The following KHDRBS3 variants were observed in gnomAD, a reference collection of about 807,000 sequenced individuals.
KHDRBS3 encodes KH domain-containing, RNA-binding, signal transduction-associated protein 3.
A neutral mutation model predicts 45.6 loss-of-function variants in KHDRBS3; 23 were observed. The ratio of observed to expected loss-of-function variants is 0.50; its 90% CI spans 0.36 to 0.72. The LOEUF (loss-of-function observed/expected upper bound fraction) is 0.72, where lower values mean the gene tolerates loss of function less well. KHDRBS3 is among the 30% of genes least tolerant of loss of function. KHDRBS3 has a pLI of 0.00. For missense variants in KHDRBS3, 352 were observed against 424.8 expected (o/e 0.83, Z 1.51); for synonymous variants, 162 against 156.5 (o/e 1.04, Z -0.26).
At chr8:135,468,221 A>G (rs1399528343) in intron 1 of KHDRBS3, among the ~76,000 whole-genome samples, 1 of 152,038 alleles carries the variant, frequency 6.6e-6, no homozygotes, top group African/African-American at 2.4e-5. Context: ...CATCCCCTAA[A>G]TTGGCTTAGT....
At chr8:135,624,625 A>C (rs569360135) in intron 7 of KHDRBS3, among the ~76,000 whole-genome samples, 1 of 152,296 alleles carries the variant, frequency 6.6e-6, no homozygotes, top group South Asian at 2.1e-4. Flanking sequence ...TTTTAGACCA[A>C]AGTCTAGGCC....
chr8:135,508,921 C>T (rs1475509308), intron 1 of KHDRBS3, among the ~76,000 whole-genome samples: 2 of 151,996 alleles, frequency 1.3e-5, no homozygotes, highest in Non-Finnish European at 2.9e-5. Context: ...AGCCAGTTTC[C>T]GTAAATATTT....
intron 1 of KHDRBS3, among the ~76,000 whole-genome samples, chr8:135,500,065 T>C (rs901519523): frequency 5.3e-5 from 8 of 152,218 alleles, no homozygotes; most frequent in African/African-American, 1.7e-4. Flanking sequence ...TTTTCCTGTT[T>C]AGTGATTTTT....
At chr8:135,592,187 G>T (rs1159975990) in intron 6 of KHDRBS3, among the ~76,000 whole-genome samples, 1 of 152,006 alleles carries the variant, frequency 6.6e-6, no homozygotes, top group African/African-American at 2.4e-5. Context: ...TTTTAGGAAT[G>T]TAAGACTTTA....
At chr8:135,610,097 A>T (rs998774516) in intron 7 of KHDRBS3, among the ~76,000 whole-genome samples, 1 of 151,878 alleles carries the variant, frequency 6.6e-6, no homozygotes, top group East Asian at 1.9e-4. Context: ...GGTTTTTGAT[A>T]TTTGATATAA....
chr8:135,544,135 G>C (rs973124266), intron 3 of KHDRBS3, among the ~76,000 whole-genome samples: 1 of 152,100 alleles, frequency 6.6e-6, no homozygotes, highest in East Asian at 1.9e-4. Context: ...CTTAGTTCAC[G>C]CTCTAATAAG....
intron 3 of KHDRBS3, among the ~76,000 whole-genome samples, chr8:135,547,093 T>C (rs1371654331): frequency 6.6e-6 from 1 of 152,188 alleles, no homozygotes; most frequent in Non-Finnish European, 1.5e-5. Context: ...TTTTTAAAAC[T>C]TGAGCAATGA....
intron 1 of KHDRBS3, among the ~76,000 whole-genome samples, chr8:135,520,829 G>T (rs887196602): frequency 2.6e-5 from 4 of 152,206 alleles, no homozygotes; most frequent in African/African-American, 9.6e-5. Context: ...TCAGTTCTTG[G>T]TTGTAGAAGC....
At chr8:135,574,142 TGTGTTA>T (rs1827838197) in intron 5 of KHDRBS3, among the ~76,000 whole-genome samples, 6 of 76,410 alleles carry the variant, frequency 7.9e-5, no homozygotes, top group African/African-American at 1.9e-4. Flanking sequence ...ACAGGATTCT[TGTGTTA>T]GCACGTCACC....
intron 6 of KHDRBS3, among the ~76,000 whole-genome samples, chr8:135,604,364 A>G (rs898668051): frequency 8.6e-5 from 13 of 151,964 alleles, no homozygotes; most frequent in Non-Finnish European, 1.8e-4. Flanking sequence ...CATTTTTCCC[A>G]TAATGCTAAT....
chr8:135,527,647 G>A (rs966571383), intron 2 of KHDRBS3, among the ~76,000 whole-genome samples: 1 of 152,200 alleles, frequency 6.6e-6, no homozygotes, highest in African/African-American at 2.4e-5. Flanking sequence ...TAGTCATGCT[G>A]GAGTGAAAGA....
intron 6 of KHDRBS3, among the ~76,000 whole-genome samples, chr8:135,590,055 G>A (rs1324295215): frequency 2.6e-5 from 4 of 152,148 alleles, no homozygotes; most frequent in African/African-American, 9.7e-5. Flanking sequence ...TGCATCATTA[G>A]GCGATTTCAT....
chr8:135,548,786 G>C lies in KHDRBS3; in HGVS notation c.357G>C (p.Lys119Asn). ...EEELRKSGEA[K>N]YFHLNDDLHV... The stretch of plus-strand genomic sequence containing the variant: ...AGTTGAGGAAAAGTGGAGAAGCGAA[G>C]TACTTCCATCTCAATGATGATCTCC... The change falls in exon 4 of 9, where the codon AAG becomes AAC. Residue 119 changes from lysine (K) to asparagine (N), a missense_variant. Physicochemically the swap from Lys to Asn is moderately conservative, Grantham distance 94 (BLOSUM62 0). Coordinates refer to ENST00000355849, the MANE Select transcript of KHDRBS3 (RefSeq NM_006558.3). The C allele has an allele frequency of 6.4e-7, 1 of 1,567,428 alleles. No individual in the cohort carries two copies. The highest frequency in any genetic ancestry group is 8.6e-7 in the Non-Finnish European group (1 of 1,157,058).
At chr8:135,632,524 G>C (rs1166567391) in intron 7 of KHDRBS3, among the ~76,000 whole-genome samples, 1 of 152,000 alleles carries the variant, frequency 6.6e-6, no homozygotes, top group African/African-American at 2.4e-5. Context: ...CTGACCCCTA[G>C]ATTCTCTTTC....
At chr8:135,515,508 T>C (rs1824546253) in intron 1 of KHDRBS3, among the ~76,000 whole-genome samples, 1 of 150,918 alleles carries the variant, frequency 6.6e-6, no homozygotes, top group South Asian at 2.2e-4. Flanking sequence ...CTTCCTACTC[T>C]GCTCTGTGCC....
At chr8:135,596,690 A>G (rs1321843557) in intron 6 of KHDRBS3, among the ~76,000 whole-genome samples, 1 of 152,236 alleles carries the variant, frequency 6.6e-6, no homozygotes, top group Admixed American at 6.5e-5. Context: ...ATAATAAAGG[A>G]ATTAAAAAAT....
rs1829480067 is a variant in KHDRBS3 at position 135,606,688 on chromosome 8, A to G, written c.808-267A>G. ...CCATTTAAAAAAAAGAAAAAAGACA[A>G]TGTTTTCTAGAGCTCTGCAATCTTT... On this transcript the variant is annotated intron_variant, in intron 6 of 8. Transcript: ENST00000355849. 1.3e-5 allele frequency among the ~76,000 whole-genome samples: 2 copies of G among 152,100 alleles called. 1 individual carries two copies. The highest frequency in any genetic ancestry group is 2.9e-5 in the Non-Finnish European group (2 of 68,010).
At chr8:135,647,855 C>G (rs143858206), downstream of KHDRBS3, 2 of 152,288 alleles carry the variant, frequency 1.3e-5, no homozygotes, top group African/African-American at 2.4e-5. Flanking sequence ...CGTTAAACTA[C>G]GCAAAACCAA....
intron 2 of KHDRBS3, among the ~76,000 whole-genome samples, chr8:135,525,208 G>T (rs997913304): frequency 1.3e-5 from 2 of 152,128 alleles, no homozygotes; most frequent in Admixed American, 1.3e-4. Flanking sequence ...TGGATTCAGG[G>T]TATAAACTGT....
Sources: allele counts gnomAD v4.1 joint callset (sites outside exome capture counted in the v4.1 genomes callset), GRCh38; gene constraint gnomAD v4.1.1; transcripts MANE v1.5; gene names NCBI Gene and HGNC (gene_info 2026-07-23, HGNC 2026-07-21).